The following ACAT1 variants were observed in gnomAD, a reference collection of about 807,000 sequenced individuals.
The protein encoded by ACAT1 is acetyl-CoA acetyltransferase 1.
A neutral mutation model predicts 47.3 loss-of-function variants in ACAT1; 28 were observed. The observed-to-expected ratio is 0.59, with a 90% CI of 0.44 to 0.81. The LOEUF is 0.81. Among genes scored for constraint, ACAT1 ranks in the 30% least tolerant of loss-of-function variants. The pLI is 0.00. For synonymous variants in ACAT1, 181 were observed against 173.6 expected, an observed-to-expected ratio of 1.04 and a Z score of -0.34; for missense variants, 469 against 524.3, an observed-to-expected ratio of 0.89 and a Z score of 1.03.
intron 1 of ACAT1, among the ~76,000 whole-genome samples, chr11:108,130,674 A>G (rs1463296142): frequency 6.6e-6 from 1 of 152,164 alleles, no homozygotes; most frequent in Non-Finnish European, 1.5e-5. Context: ...TACAGGCATG[A>G]GCCACTGCGC....
In ACAT1 at chr11:108,147,468, C is replaced by A; in HGVS notation, c.*78C>A. 6.4e-7 allele frequency: 1 copy of A among 1,555,732 alleles called. No individual in the cohort carries two copies. ...AATCAGTGTGACTACTGTGGGTCAG[C>A]TTATATTCAGATAAGCTGTTTCATT... is the stretch of plus-strand genomic sequence containing the variant. On this transcript the variant is annotated 3_prime_UTR_variant, in exon 12 of 12. Coordinates refer to ENST00000265838, the MANE Select transcript of ACAT1 (RefSeq NM_000019.4).
At chr11:108,118,683 T>C (rs2077105337), upstream of ACAT1, among the ~76,000 whole-genome samples, 1 of 152,224 alleles carries the variant, frequency 6.6e-6, no homozygotes, top group African/African-American at 2.4e-5. Flanking sequence ...TCCTAGATTC[T>C]TAAATGAAAT....
At chr11:108,127,470 G>A (rs1405512576) in intron 1 of ACAT1, among the ~76,000 whole-genome samples, 10 of 151,604 alleles carry the variant, frequency 6.6e-5, no homozygotes, top group Admixed American at 5.9e-4. Context: ...GGGTTTCACC[G>A]TGTTAGCCAG....
intron 9 of ACAT1, 100 bp from the exon 10 acceptor site, chr11:108,143,883 T>G: frequency 7.5e-7 from 1 of 1,341,454 alleles, no homozygotes; most frequent in Non-Finnish European, 1.0e-6. Context: ...TTAAAGGGGC[T>G]AGGAAATGTG....
intron 11 of ACAT1, 44 bp downstream of exon 11, chr11:108,146,403 G>C: frequency 2.5e-6 from 4 of 1,601,722 alleles, no homozygotes; most frequent in Non-Finnish European, 3.4e-6. Flanking sequence ...AGCTGCCTTT[G>C]TGTTTCTAGC....
chr11:108,125,334 T>C (rs2135298865), intron 1 of ACAT1, among the ~76,000 whole-genome samples: 1 of 152,320 alleles, frequency 6.6e-6, no homozygotes, highest in Admixed American at 6.5e-5. Context: ...ATACACTATA[T>C]GGTTCAGTGT....
intron 1 of ACAT1, chr11:108,129,219 A>ATTCCTTGT (rs1304958419): frequency 1.3e-5 from 2 of 152,192 alleles, no homozygotes; most frequent in Non-Finnish European, 2.9e-5. Flanking sequence ...CCATTATTTC[A>ATTCCTTGT]TTCCTTGTTA....
At chr11:108,141,546 GTTGCTTGCTGAATGACTA>G (rs2077586777) in intron 7 of ACAT1, 41 bp from the exon 8 acceptor site, 1 of 1,319,266 alleles carries the variant, frequency 7.6e-7, no homozygotes, top group Admixed American at 1.8e-5. Flanking sequence ...TTGTACAACA[GTTGCTTGCTGAATGACTA>G]CTTGTTTTGA....
At chr11:108,118,525 C>T (rs1250941191), upstream of ACAT1, among the ~76,000 whole-genome samples, 2 of 152,122 alleles carry the variant, frequency 1.3e-5, no homozygotes, top group Non-Finnish European at 2.9e-5. Flanking sequence ...CAGGTGGCCC[C>T]CTCCATGCCC....
intron 1 of ACAT1, 194 bp downstream of exon 1, chr11:108,121,872 A>G (rs1393677773): frequency 3.3e-6 from 2 of 614,676 alleles, no homozygotes; most frequent in African/African-American, 3.7e-5. Flanking sequence ...GCCTATTTTT[A>G]CAGCGCGTTT....
At chr11:108,146,413 C>T (rs1225986369) in intron 11 of ACAT1, 54 bp downstream of exon 11, 6 of 1,592,448 alleles carry the variant, frequency 3.8e-6, no homozygotes, top group Non-Finnish European at 5.2e-6. Flanking sequence ...GTGTTTCTAG[C>T]TAAACTTAAA....
chr11:108,137,817 C>T (rs1213559916), intron 5 of ACAT1, among the ~76,000 whole-genome samples: 1 of 151,922 alleles, frequency 6.6e-6, no homozygotes, highest in Non-Finnish European at 1.5e-5. Flanking sequence ...TGTGATGGTG[C>T]ATGCCTGTAG....
intron 1 of ACAT1, among the ~76,000 whole-genome samples, chr11:108,129,778 G>A (rs558059844): frequency 7.5e-4 from 114 of 152,250 alleles, no homozygotes; most frequent in African/African-American, 2.5e-3. Context: ...GGGACTTTTT[G>A]AAGAGATACA....
At chr11:108,134,182 A>C in intron 3 of ACAT1, 39 bp from the exon 4 acceptor site, 1 of 1,541,992 alleles carries the variant, frequency 6.5e-7, no homozygotes, top group Non-Finnish European at 8.9e-7. Flanking sequence ...TATTAAATTG[A>C]ATTAAATGCC....
intron 6 of ACAT1, 70 bp from the exon 7 acceptor site, chr11:108,139,995 T>A: frequency 5.3e-6 from 8 of 1,521,502 alleles, no homozygotes; most frequent in Non-Finnish European, 7.2e-6. Flanking sequence ...ACACTATAAG[T>A]TAGGCAAAGT....
At chr11:108,124,487 T>C (rs1377720191) in intron 1 of ACAT1, among the ~76,000 whole-genome samples, 1 of 152,110 alleles carries the variant, frequency 6.6e-6, no homozygotes, top group Non-Finnish European at 1.5e-5. Context: ...GGGCTCGAAC[T>C]CCTGACCAGC....
At chr11:108,125,656 G>A (rs60779072) in intron 1 of ACAT1, among the ~76,000 whole-genome samples, 1,598 of 152,250 alleles carry the variant, frequency 0.01, 35 homozygotes, top group African/African-American at 0.036. Context: ...GGCTGGGTGT[G>A]GTGGCTCACG....
upstream of ACAT1, chr11:108,121,328 G>A (rs2135282164): frequency 1.8e-6 from 1 of 562,172 alleles, no homozygotes; most frequent in South Asian, 2.0e-5. Context: ...GGTTAGACTT[G>A]GTGGACACGG....
intron 1 of ACAT1, among the ~76,000 whole-genome samples, chr11:108,128,465 C>T (rs1373961627): frequency 6.6e-6 from 1 of 152,196 alleles, no homozygotes; most frequent in Non-Finnish European, 1.5e-5. Context: ...GTGGCGCATG[C>T]CTGTAGTCCC....
Sources: allele counts gnomAD v4.1 joint callset (sites outside exome capture counted in the v4.1 genomes callset), GRCh38; gene constraint gnomAD v4.1.1; transcripts MANE v1.5; gene names NCBI Gene and HGNC (gene_info 2026-07-23, HGNC 2026-07-21).